The following TSC22D3 variants were observed in gnomAD, a reference collection of about 807,000 sequenced individuals.
TSC22D3 encodes the protein TSC22 domain family protein 3.
Under a neutral mutation model 11.1 loss-of-function variants are expected in TSC22D3, and 4 were observed. That is an observed-to-expected ratio of 0.36 (90% CI 0.18 to 0.83). TSC22D3 has a LOEUF of 0.83. Ranked by LOEUF, TSC22D3 falls within the 40% of genes least tolerant of loss-of-function variation. The pLI, the probability that TSC22D3 is intolerant of heterozygous loss-of-function variation, is 0.48. For synonymous variants in TSC22D3, 77 were observed against 70.3 expected (o/e 1.10, Z -0.48); for missense variants, 118 against 159.4 (o/e 0.74, Z 1.40).
At chrX:107,747,398 G>GATCTAAGCAGAATGTAGTGTGAC (rs2147766185) in intron 1 of TSC22D3, among the ~76,000 whole-genome samples, 1 of 112,613 alleles carries the variant, frequency 8.9e-6, no homozygotes, top group African/African-American at 3.2e-5. Context: ...GGGTCTGTCA[G>GATCTAAGCAGAATGTAGTGTGAC]ATCTAAGCAG....
At chrX:107,762,890 C>T (rs1456410525) in intron 1 of TSC22D3, among the ~76,000 whole-genome samples, 1 of 76,438 alleles carries the variant, frequency 1.3e-5, no homozygotes, top group Non-Finnish European at 2.3e-5. Flanking sequence ...GAGTCTTGCT[C>T]TTGTTGCCCA....
intron 1 of TSC22D3, among the ~76,000 whole-genome samples, chrX:107,751,215 G>A (rs1490522306): frequency 8.9e-6 from 1 of 112,114 alleles, no homozygotes; most frequent in African/African-American, 3.2e-5. Context: ...GAGGGGAAGA[G>A]GTCGTTATGT....
chrX:107,745,946 T>C (rs1457383121), intron 1 of TSC22D3, among the ~76,000 whole-genome samples: 1 of 112,480 alleles, frequency 8.9e-6, no homozygotes, highest in Non-Finnish European at 1.9e-5. Flanking sequence ...TAAATGATTT[T>C]CCTTCTCAAT....
chrX:107,734,190 C>A (rs1020168125), intron 1 of TSC22D3, among the ~76,000 whole-genome samples: 7 of 112,190 alleles, frequency 6.2e-5, no homozygotes, highest in African/African-American at 2.3e-4. Context: ...CTTCCCTTCC[C>A]AGAACTGAGG....
chrX:107,774,671 T>G (rs1930053359), intron 1 of TSC22D3, among the ~76,000 whole-genome samples: 1 of 112,079 alleles, frequency 8.9e-6, no homozygotes, highest in Admixed American at 9.4e-5. Context: ...GGGCACTCAG[T>G]AATTTTAAAG....
chrX:107,771,629 A>G (rs1011579602), intron 1 of TSC22D3, among the ~76,000 whole-genome samples: 8 of 112,792 alleles, frequency 7.1e-5, no homozygotes, highest in South Asian at 3.6e-4. Flanking sequence ...AATCCATTCC[A>G]AAGAGTTGAT....
rs140574737 is a variant in TSC22D3, at chrX:107,728,010, C to T, written c.321-12060G>A. The stretch of plus-strand genomic sequence containing the variant: ...GACAGGACCACGACTGAAAATGGGC[C>T]GTGCAAGGTCTCAAGTGAGCACTGA... On this transcript the variant is annotated intron_variant, in intron 1 of 2. Coordinates refer to ENST00000372383, the MANE Select transcript of TSC22D3 (RefSeq NM_198057.3). Among the ~76,000 whole-genome samples the T allele has an allele frequency of 4.9e-3, 544 of 111,715 alleles. 4 individuals are homozygous for T. Among genetic ancestry groups the T allele is most frequent in the African/African-American group, 0.017 (523 of 30,714 alleles).
In TSC22D3 at chrX:107,728,373, G is replaced by A. The variant is rs775336242; in HGVS notation, c.321-12423C>T. ...ACATAGTTTAATTGAGTAAGTGGCC[G>A]CTAATGACCTGGAAGCAAGGCTCAA... On this transcript the variant is annotated intron_variant, in intron 1 of 2. Coordinates refer to ENST00000372383, the MANE Select transcript of TSC22D3 (RefSeq NM_198057.3). Among the ~76,000 whole-genome samples the A allele has an allele frequency of 7.1e-5, 8 of 112,785 alleles. No homozygotes were observed. In the East Asian group the frequency reaches 1.1e-3, roughly 16 times the overall value.
chrX:107,762,740 T>C (rs759783173), intron 1 of TSC22D3, among the ~76,000 whole-genome samples: 38 of 109,607 alleles, frequency 3.5e-4, no homozygotes, highest in Non-Finnish European at 5.9e-4. Flanking sequence ...TGTAGGCCTG[T>C]TTCCTCTTGT....
intron 1 of TSC22D3, among the ~76,000 whole-genome samples, chrX:107,742,915 GTT>G (rs1358830657): frequency 9.8e-5 from 11 of 112,162 alleles, no homozygotes. Context: ...AGCAGCGCCC[GTT>G]CCCACAGGCT....
intron 1 of TSC22D3, among the ~76,000 whole-genome samples, chrX:107,726,368 T>G (rs1049607845): frequency 1.2e-4 from 13 of 112,585 alleles, no homozygotes; most frequent in South Asian, 3.7e-4. Context: ...CCTGGTTGCC[T>G]GCCAGCAACA....
At chrX:107,767,060 C>G (rs906766699) in intron 1 of TSC22D3, among the ~76,000 whole-genome samples, 5 of 111,117 alleles carry the variant, frequency 4.5e-5, no homozygotes, top group African/African-American at 1.3e-4. Flanking sequence ...CTTCTCACCC[C>G]CTTCTTCCTT....
intron 1 of TSC22D3, among the ~76,000 whole-genome samples, chrX:107,727,375 A>T (rs1042480534): frequency 8.9e-6 from 1 of 112,523 alleles, no homozygotes; most frequent in South Asian, 3.7e-4. Flanking sequence ...TGGCGACTTC[A>T]TGGAAGACCT....
intron 2 of TSC22D3, among the ~76,000 whole-genome samples, chrX:107,715,264 G>A (rs749766665): frequency 8.9e-6 from 1 of 112,316 alleles, no homozygotes; most frequent in Admixed American, 9.4e-5. Flanking sequence ...CAGCTGTCCT[G>A]CAGCCGGCCA....
At chrX:107,741,572 G>A in intron 1 of TSC22D3, among the ~76,000 whole-genome samples, 1 of 112,868 alleles carries the variant, frequency 8.9e-6, no homozygotes, top group Non-Finnish European at 1.9e-5. Context: ...CCCACCATGG[G>A]CGAAAGGAGG....
intron 1 of TSC22D3, among the ~76,000 whole-genome samples, chrX:107,749,707 G>A (rs994937871): frequency 1.8e-5 from 2 of 112,141 alleles, no homozygotes; most frequent in East Asian, 5.6e-4. Context: ...TCCTCCACTT[G>A]TCCTTGAGAT....
rs777884706 is a variant in TSC22D3, at chrX:107,727,044, CAG to C, written c.321-11096_321-11095del. 1.3e-4 allele frequency among the ~76,000 whole-genome samples: 14 copies of C among 111,666 alleles called. No individual in the cohort carries two copies. The East Asian group carries it at 3.1e-3, about 25-fold the overall frequency. On this transcript the variant is annotated intron_variant, in intron 1 of 2. Transcript: ENST00000372383. Reference sequence around the variant, plus strand: ...AGCAGTTGAGGGGACGAGAGTTTCACAGATACTCCTTGGACATCTTGGGGCAC... The same window carrying C: ...AGCAGTTGAGGGGACGAGAGTTTCACATACTCCTTGGACATCTTGGGGCAC...
intron 1 of TSC22D3, among the ~76,000 whole-genome samples, chrX:107,736,936 G>A (rs1297286526): frequency 8.9e-6 from 1 of 112,115 alleles, no homozygotes; most frequent in Non-Finnish European, 1.9e-5. Flanking sequence ...CTCAGTTCAT[G>A]GCCTAGAGAG....
At chrX:107,771,861 C>T (rs1929919241) in intron 1 of TSC22D3, among the ~76,000 whole-genome samples, 1 of 112,341 alleles carries the variant, frequency 8.9e-6, no homozygotes. Flanking sequence ...ATCAGGACTT[C>T]CATCAGGCTA....
Sources: gnomAD v4.1 joint callset for allele counts (sites outside exome capture counted in the v4.1 genomes callset) on GRCh38, gnomAD v4.1.1 for gene constraint, MANE v1.5 for transcripts, NCBI Gene and HGNC (gene_info 2026-07-23, HGNC 2026-07-21) for gene names.